CD200R1L: variants seen among roughly 807,000 people sequenced by gnomAD.
CD200R1L encodes cell surface glycoprotein CD200 receptor 2.
CD200R1L carries 14 observed loss-of-function variants against 24.8 expected under a neutral mutation model. The ratio of observed to expected loss-of-function variants is 0.56; its 90% CI spans 0.37 to 0.88. The LOEUF is 0.88. CD200R1L is among the 40% of genes least tolerant of loss of function. The pLI, the probability that CD200R1L is intolerant of heterozygous loss-of-function variation, is 0.00. For missense variants in CD200R1L, 299 were observed against 297.8 expected, an observed-to-expected ratio of 1.00 and a Z score of -0.03; for synonymous variants, 111 against 109.2, an observed-to-expected ratio of 1.02 and a Z score of -0.11.
rs976929156 is a variant in CD200R1L, at chr3:112,829,360, C to T, written c.8G>A (p.Gly3Glu). 3 of 1,613,934 alleles carry T rather than the reference C, an allele frequency of 1.9e-6. No homozygotes were observed. Among genetic ancestry groups the T allele is most frequent in the Non-Finnish European group, 2.5e-6 (3 of 1,179,922 alleles). Reference protein sequence around the residue: MGGKQMTQNYSTI... With the variant: MGEKQMTQNYSTI... Reference sequence around the variant, plus strand: ...TGAATAGTTCTGTGTCATCTGCTTTCCACCCATGCATGAACTACTTGAAGC... The same window carrying T: ...TGAATAGTTCTGTGTCATCTGCTTTTCACCCATGCATGAACTACTTGAAGC... Residue 3 changes from glycine to glutamate, a missense_variant, in exon 4 of 8, where the codon GGA (glycine) becomes GAA (glutamate). Physicochemically the swap from Gly to Glu is moderately conservative, Grantham distance 98. Transcript: ENST00000488794.
At chr3:112,837,687 A>G (rs1297908435) in intron 3 of CD200R1L, among the ~76,000 whole-genome samples, 2 of 152,222 alleles carry the variant, frequency 1.3e-5, no homozygotes, top group African/African-American at 4.8e-5. Context: ...CCAAGACCAG[A>G]ATATGTAGAC....
intron 6 of CD200R1L, among the ~76,000 whole-genome samples, chr3:112,823,498 T>C (rs1938589827): frequency 2.0e-5 from 3 of 152,194 alleles, no homozygotes; most frequent in South Asian, 2.1e-4. Flanking sequence ...AATTGAATTG[T>C]AGGACACCTA....
intron 3 of CD200R1L, among the ~76,000 whole-genome samples, chr3:112,832,297 C>T (rs1938820451): frequency 6.6e-6 from 1 of 152,134 alleles, no homozygotes; most frequent in African/African-American, 2.4e-5. Flanking sequence ...AATCCTGGGC[C>T]TGGTTCATAT....
intron 7 of CD200R1L, among the ~76,000 whole-genome samples, chr3:112,819,080 G>A (rs932503557): frequency 1.3e-5 from 2 of 152,196 alleles, no homozygotes; most frequent in Admixed American, 1.3e-4. Flanking sequence ...TGGAGAGTGA[G>A]CAGGGGAAAC....
chr3:112,833,186 G>A (rs560148080), intron 3 of CD200R1L, among the ~76,000 whole-genome samples: 3 of 152,300 alleles, frequency 2.0e-5, no homozygotes, highest in East Asian at 1.9e-4. Flanking sequence ...GCATATTTGC[G>A]ATTACTGCTC....
At chr3:112,823,136 T>A (rs1938578594) in intron 6 of CD200R1L, among the ~76,000 whole-genome samples, 1 of 152,242 alleles carries the variant, frequency 6.6e-6, no homozygotes, top group Admixed American at 6.5e-5. Context: ...ACTGAATTTG[T>A]TTTCTGCCTA....
intron 4 of CD200R1L, 104 bp downstream of exon 4, chr3:112,829,215 A>C (rs1938738217): frequency 1.2e-6 from 1 of 815,908 alleles, no homozygotes; most frequent in South Asian, 1.5e-5. Flanking sequence ...CATGTTCTTC[A>C]AGTAGTCACA....
intron 3 of CD200R1L, among the ~76,000 whole-genome samples, chr3:112,833,287 A>C (rs1239288615): frequency 2.6e-5 from 4 of 152,200 alleles, no homozygotes; most frequent in Non-Finnish European, 5.9e-5. Context: ...AGCCCTGACA[A>C]TAAGTTCATA....
chr3:112,843,191 A>AACGTG (rs1481535934), intron 2 of CD200R1L, among the ~76,000 whole-genome samples: 5 of 152,348 alleles, frequency 3.3e-5, no homozygotes, highest in Admixed American at 6.5e-5. Flanking sequence ...TAAAGAGGTC[A>AACGTG]ACGTGCAAAT....
At chr3:112,818,016 A>G (rs1438273206) in intron 7 of CD200R1L, among the ~76,000 whole-genome samples, 2 of 152,192 alleles carry the variant, frequency 1.3e-5, no homozygotes, top group Non-Finnish European at 2.9e-5. Context: ...ACCTATCACT[A>G]TCATGAGAAT....
At chr3:112,836,626 G>A (rs1881313) in intron 3 of CD200R1L, among the ~76,000 whole-genome samples, 46,466 of 152,060 alleles carry the variant, frequency 0.31, 7,661 homozygotes, top group African/African-American at 0.42. Context: ...TGACGAATTT[G>A]CCAAACACCT....
At chr3:112,832,665 C>A (rs1457049314) in intron 3 of CD200R1L, among the ~76,000 whole-genome samples, 1 of 152,168 alleles carries the variant, frequency 6.6e-6, no homozygotes, top group African/African-American at 2.4e-5. Flanking sequence ...AAAGTATCAG[C>A]CCCAACGGCA....
intron 7 of CD200R1L, among the ~76,000 whole-genome samples, chr3:112,817,089 G>A (rs916416729): frequency 7.9e-5 from 12 of 152,056 alleles, no homozygotes; most frequent in Middle Eastern, 3.4e-3. Context: ...AATCTCTGCC[G>A]CAGTGTAGTA....
intron 4 of CD200R1L, 81 bp from the exon 5 acceptor site, chr3:112,827,765 C>A: frequency 7.6e-7 from 1 of 1,324,380 alleles, no homozygotes. Flanking sequence ...CAGTATATTA[C>A]ATGAAGTTTT....
chr3:112,833,134 A>G (rs563926295), intron 3 of CD200R1L, among the ~76,000 whole-genome samples: 2 of 152,316 alleles, frequency 1.3e-5, no homozygotes, highest in East Asian at 1.9e-4. Flanking sequence ...CTTACTTCCT[A>G]CCACTGAGTA....
chr3:112,825,918 G>C (rs1342058382), intron 6 of CD200R1L, among the ~76,000 whole-genome samples: 2 of 152,118 alleles, frequency 1.3e-5, no homozygotes, highest in Non-Finnish European at 2.9e-5. Flanking sequence ...GAAGTAAGAG[G>C]CTAGACTTGA....
rs2107323562 is a variant in CD200R1L, at chr3:112,815,891, C to T, written c.*72G>A. 1.3e-6 allele frequency: 1 copy of T among 775,310 alleles called. No homozygotes were observed. The highest frequency in any genetic ancestry group is 2.4e-6 in the Non-Finnish European group (1 of 415,646). The allele number at this position is 775,310 out of a possible 1,614,324, so 48.0% of individuals were successfully genotyped here. A position where few individuals can be genotyped will look rare whatever the true frequency, so the allele number is the denominator to read the frequency against. On this transcript the variant is annotated 3_prime_UTR_variant, in exon 8 of 8. Coordinates refer to ENST00000488794, the MANE Select transcript of CD200R1L (RefSeq NM_001199215.3). ...TCCATGGCCCAAGTTCACTGCTGGA[C>T]CATCACTCATCTCACCAATGTTGCA...
chr3:112,845,344 T>C (rs946229955), intron 2 of CD200R1L, among the ~76,000 whole-genome samples: 2 of 152,088 alleles, frequency 1.3e-5, no homozygotes, highest in South Asian at 2.1e-4. Context: ...TCAGGAGAAA[T>C]TGAAACCCTA....
chr3:112,827,360 T>C lies in CD200R1L; in HGVS notation c.367+7A>G, dbSNP rs1198051686. The stretch of plus-strand genomic sequence containing the variant: ...TGTGAAATACCTCAGTATGTGATGC[T>C]CCTTACCTAACACTTGGAGGTGATA... On this transcript the variant is annotated splice_region_variant and intron_variant, in intron 5 of 7. Transcript: ENST00000488794. The C allele has an allele frequency of 6.2e-7, 1 of 1,611,218 alleles. No individual in the cohort carries two copies. Among genetic ancestry groups the C allele is most frequent in the African/African-American group, 1.3e-5 (1 of 74,882 alleles).
Sources: gnomAD v4.1 joint callset for allele counts (sites outside exome capture counted in the v4.1 genomes callset) on GRCh38, gnomAD v4.1.1 for gene constraint, MANE v1.5 for transcripts, NCBI Gene and HGNC (gene_info 2026-07-23, HGNC 2026-07-21) for gene names.